NOX4: variants seen among roughly 807,000 people sequenced by gnomAD.
NOX4 encodes the protein kidney oxidase-1.
NOX4 carries 69 observed loss-of-function variants against 87.6 expected under a neutral mutation model. The ratio of observed to expected loss-of-function variants is 0.79; its 90% CI spans 0.65 to 0.96. The LOEUF is 0.96. Ranked by LOEUF, NOX4 falls within the 40% of genes least tolerant of loss-of-function variation. NOX4 has a pLI of 0.00. For missense variants in NOX4, 680 were observed against 681.5 expected (o/e 1.00, Z 0.02); for synonymous variants, 275 against 238.2 (o/e 1.15, Z -1.42).
chr11:89,360,333 T>A (rs1422310085), intron 12 of NOX4, among the ~76,000 whole-genome samples: 1 of 152,070 alleles, frequency 6.6e-6, no homozygotes, highest in South Asian at 2.1e-4. Context: ...GCCAAGTAGA[T>A]CTTAAGTATT....
chr11:89,499,733 T>C (rs543347291), upstream of NOX4, among the ~76,000 whole-genome samples: 6 of 152,340 alleles, frequency 3.9e-5, no homozygotes, highest in Admixed American at 3.3e-4. Flanking sequence ...TTGGTTTATC[T>C]GTCTTCCCCA....
At chr11:89,457,111 G>A (rs1230288273) in intron 2 of NOX4, among the ~76,000 whole-genome samples, 1 of 152,152 alleles carries the variant, frequency 6.6e-6, no homozygotes, top group Non-Finnish European at 1.5e-5. Flanking sequence ...CCCTGACGAT[G>A]CACACTAGCC....
chr11:89,480,573 C>T (rs1404360000), intron 2 of NOX4, among the ~76,000 whole-genome samples: 7 of 152,076 alleles, frequency 4.6e-5, no homozygotes, highest in Non-Finnish European at 8.8e-5. Flanking sequence ...AGACGACTGA[C>T]ATTTTTACAG....
At chr11:89,378,395 C>T (rs1940021373) in intron 11 of NOX4, among the ~76,000 whole-genome samples, 1 of 152,112 alleles carries the variant, frequency 6.6e-6, no homozygotes, top group African/African-American at 2.4e-5. Flanking sequence ...ATAAAGATAT[C>T]CTAATTTTTC....
At chr11:89,560,195 G>A in the NOX4 span, among the ~76,000 whole-genome samples, 2 of 152,088 alleles carry the variant, frequency 1.3e-5, no homozygotes, top group Non-Finnish European at 2.9e-5. Flanking sequence ...TGTGATGACA[G>A]AGACAGAGAT....
chr11:89,514,994 C>G, the NOX4 span, among the ~76,000 whole-genome samples: 17 of 152,078 alleles, frequency 1.1e-4, no homozygotes, highest in Admixed American at 6.6e-4. Flanking sequence ...GACATGACAT[C>G]TGTTCATCCA....
chr11:89,459,390 C>T (rs1226536675), intron 2 of NOX4, among the ~76,000 whole-genome samples: 1 of 152,064 alleles, frequency 6.6e-6, no homozygotes, highest in African/African-American at 2.4e-5. Flanking sequence ...ACTAAATCCC[C>T]ATGAAACACA....
At chr11:89,453,228 C>G (rs1278339833) in intron 2 of NOX4, among the ~76,000 whole-genome samples, 1 of 152,020 alleles carries the variant, frequency 6.6e-6, no homozygotes, top group Non-Finnish European at 1.5e-5. Flanking sequence ...GCTCTGGTAA[C>G]CAGCAGCATT....
chr11:89,534,307 T>C, the NOX4 span, among the ~76,000 whole-genome samples: 1 of 152,230 alleles, frequency 6.6e-6, no homozygotes, highest in East Asian at 1.9e-4. Context: ...AACAAGAGAT[T>C]TATCCAGATG....
intron 2 of NOX4, chr11:89,489,116 T>C (rs1373737050): frequency 3.2e-6 from 2 of 615,988 alleles, no homozygotes; most frequent in African/African-American, 1.9e-5. Context: ...CAGATTATGA[T>C]ATTACTTTGT....
chr11:89,522,963 A>G, the NOX4 span, among the ~76,000 whole-genome samples: 1 of 152,134 alleles, frequency 6.6e-6, no homozygotes, highest in Non-Finnish European at 1.5e-5. Flanking sequence ...ACTTAGCTAT[A>G]CAAACTCCCA....
At chr11:89,582,997 G>A in the NOX4 span, among the ~76,000 whole-genome samples, 3 of 152,038 alleles carry the variant, frequency 2.0e-5, no homozygotes, top group African/African-American at 7.2e-5. Context: ...TCACATACAA[G>A]CAACTTCAAA....
chr11:89,373,737 A>G (rs1015905198), intron 11 of NOX4, among the ~76,000 whole-genome samples: 2 of 152,058 alleles, frequency 1.3e-5, no homozygotes, highest in African/African-American at 4.8e-5. Flanking sequence ...TACACACGTT[A>G]AAATTGCTAG....
chr11:89,413,994 A>T (rs1440612357), intron 8 of NOX4, among the ~76,000 whole-genome samples: 1 of 152,012 alleles, frequency 6.6e-6, no homozygotes, highest in Non-Finnish European at 1.5e-5. Context: ...ATATATGTAT[A>T]TGTGTGTGTA....
chr11:89,429,858 G>T (rs1025735174), intron 7 of NOX4, among the ~76,000 whole-genome samples: 2 of 152,128 alleles, frequency 1.3e-5, no homozygotes, highest in Non-Finnish European at 2.9e-5. Context: ...ATTTTATAAG[G>T]CCAGCATCAT....
chr11:89,398,158 C>G (rs979564516), intron 11 of NOX4, among the ~76,000 whole-genome samples: 1 of 151,552 alleles, frequency 6.6e-6, no homozygotes, highest in African/African-American at 2.4e-5. Context: ...AAGGCTGGTT[C>G]AACATATGCA....
intron 5 of NOX4, chr11:89,443,903 A>G (rs1013922612): frequency 2.2e-6 from 1 of 452,154 alleles, no homozygotes; most frequent in Non-Finnish European, 4.0e-6. Flanking sequence ...CCATCTGAAC[A>G]TTGCAATATA....
chr11:89,329,165 A>T (rs1256386317), intron 17 of NOX4, among the ~76,000 whole-genome samples: 1 of 152,000 alleles, frequency 6.6e-6, no homozygotes, highest in Non-Finnish European at 1.5e-5. Context: ...AAAGAAAAGC[A>T]TAATCATGAT....
chr11:89,419,895 A>C (rs1942996552), intron 8 of NOX4, among the ~76,000 whole-genome samples: 1 of 152,146 alleles, frequency 6.6e-6, no homozygotes, highest in African/African-American at 2.4e-5. Flanking sequence ...TTAATTTAGT[A>C]AAACATAAAG....
Sources: allele counts gnomAD v4.1 joint callset (sites outside exome capture counted in the v4.1 genomes callset), GRCh38; gene constraint gnomAD v4.1.1; transcripts MANE v1.5; gene names NCBI Gene and HGNC (gene_info 2026-07-23, HGNC 2026-07-21).